Variants in RANBP17 observed in about 807,000 individuals in gnomAD.
RANBP17 encodes the protein RAN binding protein 17.
In RANBP17, 158 loss-of-function variants were observed where a neutral mutation model predicts 141.2. That is an observed-to-expected ratio of 1.12 (90% CI 0.98 to 1.28). The LOEUF is 1.28. RANBP17 is among the 50% of genes most tolerant of loss of function. The pLI is 0.00. For synonymous variants in RANBP17, 430 were observed against 450.0 expected, an observed-to-expected ratio of 0.96 and a Z score of 0.56; for missense variants, 1,438 against 1,290.7, an observed-to-expected ratio of 1.11 and a Z score of -1.75.
chr5:171,243,185 A>G lies in RANBP17; in HGVS notation c.2776+365A>G, dbSNP rs145453742. ...CTCCTTTTTTTCCTCCTTCTAATCA[A>G]TCCCTTCCCCCTACCTCTCACCCCA... On this transcript the variant is annotated intron_variant, in intron 24 of 27. Transcript: ENST00000523189. The G allele has an allele frequency of 3.6e-3, 644 of 179,162 alleles. 4 individuals are homozygous for G. The highest frequency in any genetic ancestry group is 0.014 in the African/African-American group (587 of 41,980). 11.1% of individuals were successfully genotyped at this position (179,162 alleles called of 1,614,324 possible).
Position 170,891,670 on chromosome 5 carries a change from G to A in RANBP17, c.257-717G>A, listed in dbSNP as rs576759225. On this transcript the variant is annotated intron_variant, in intron 3 of 27. Coordinates refer to ENST00000523189, the MANE Select transcript of RANBP17 (RefSeq NM_022897.5). ...GCTTACATGGCTGGAGCAGGAGAAA[G>A]AGAGAAGGGGGAGGTGCTTCACACT... is the stretch of plus-strand genomic sequence containing the variant. Among the ~76,000 whole-genome samples, 572 of 152,270 alleles carry A rather than the reference G, an allele frequency of 3.8e-3. 1 individual carries two copies. Among genetic ancestry groups the A allele is most frequent in the Middle Eastern group, 0.034 (10 of 294 alleles).
intron 14 of RANBP17, among the ~76,000 whole-genome samples, chr5:171,114,213 C>CAA (rs1306285505): frequency 6.6e-6 from 1 of 152,090 alleles, no homozygotes. Flanking sequence ...AGTGTTAGAA[C>CAA]CTTCCTCATA....
chr5:170,964,885 T>G lies in RANBP17; in HGVS notation c.1575-3357T>G, dbSNP rs1776428385. ...GTGTGCATGTGTCTTTATAACAGCA[T>G]GATTTATAGTCCTTTGGGTATATAC... On this transcript the variant is annotated intron_variant, in intron 13 of 27. Coordinates refer to ENST00000523189, the MANE Select transcript of RANBP17 (RefSeq NM_022897.5). Among the ~76,000 whole-genome samples, 3 of 152,182 alleles carry G rather than the reference T, an allele frequency of 2.0e-5. No individual in the cohort carries two copies. In the South Asian group the frequency reaches 6.2e-4, roughly 32 times the overall value.
intron 14 of RANBP17, among the ~76,000 whole-genome samples, chr5:171,153,624 TG>T (rs1758643225): frequency 6.6e-6 from 1 of 152,182 alleles, no homozygotes; most frequent in Non-Finnish European, 1.5e-5. Context: ...AGGGGGTGCT[TG>T]GGTTTCTTTT....
At chr5:170,995,248 A>G (rs545176675) in intron 14 of RANBP17, among the ~76,000 whole-genome samples, 1 of 152,212 alleles carries the variant, frequency 6.6e-6, no homozygotes, top group South Asian at 2.1e-4. Context: ...TGGCCAAGCT[A>G]CGTACCCATT....
At chr5:171,045,294 T>C (rs1219591000) in intron 14 of RANBP17, among the ~76,000 whole-genome samples, 1 of 152,102 alleles carries the variant, frequency 6.6e-6, no homozygotes, top group Non-Finnish European at 1.5e-5. Context: ...ATATGCAAGG[T>C]AGTACTTGAT....
chr5:171,054,184 G>C (rs1247894606), intron 14 of RANBP17, among the ~76,000 whole-genome samples: 1 of 151,828 alleles, frequency 6.6e-6, no homozygotes, highest in Non-Finnish European at 1.5e-5. Context: ...GACTGGTGTG[G>C]TTTGGTTTTG....
At chr5:171,204,268 C>T (rs993245806) in intron 19 of RANBP17, among the ~76,000 whole-genome samples, 36 of 152,254 alleles carry the variant, frequency 2.4e-4, no homozygotes, top group African/African-American at 8.4e-4. Context: ...CTATAAATAA[C>T]ATCCAGTTAT....
intron 14 of RANBP17, among the ~76,000 whole-genome samples, chr5:170,969,202 G>A (rs1176793554): frequency 1.3e-5 from 2 of 151,564 alleles, no homozygotes; most frequent in Admixed American, 6.6e-5. Flanking sequence ...TTGATTTTAA[G>A]ATTATCCTTT....
chr5:171,109,170 C>G (rs985422622), intron 14 of RANBP17, among the ~76,000 whole-genome samples: 2 of 152,090 alleles, frequency 1.3e-5, no homozygotes, highest in African/African-American at 4.8e-5. Context: ...ATATGTAGAC[C>G]TTAATCCACT....
At chr5:171,230,224 C>T (rs1764127684) in intron 22 of RANBP17, among the ~76,000 whole-genome samples, 1 of 151,998 alleles carries the variant, frequency 6.6e-6, no homozygotes, top group Non-Finnish European at 1.5e-5. Flanking sequence ...AGATTTCTAG[C>T]TGAAACTGGG....
chr5:171,077,286 G>A (rs1261304353), intron 14 of RANBP17, among the ~76,000 whole-genome samples: 4 of 151,896 alleles, frequency 2.6e-5, no homozygotes, highest in East Asian at 1.9e-4. Context: ...CTTGAAGTGA[G>A]CCGAGATCAC....
intron 14 of RANBP17, among the ~76,000 whole-genome samples, 168 bp from the exon 15 acceptor site, chr5:171,169,962 T>G (rs1759983084): frequency 6.6e-6 from 1 of 152,130 alleles, no homozygotes; most frequent in Non-Finnish European, 1.5e-5. Flanking sequence ...AGTTAGCAAA[T>G]TTTAAAATTA....
intron 14 of RANBP17, among the ~76,000 whole-genome samples, chr5:171,037,598 T>C (rs911697685): frequency 1.3e-5 from 2 of 152,080 alleles, no homozygotes; most frequent in South Asian, 4.1e-4. Flanking sequence ...TGTTAATCGG[T>C]CGAGTTAATT....
chr5:171,191,805 A>G (rs1234203938), intron 18 of RANBP17, among the ~76,000 whole-genome samples: 4 of 152,136 alleles, frequency 2.6e-5, no homozygotes, highest in African/African-American at 9.7e-5. Flanking sequence ...CTAAACTATT[A>G]CTTCATCTTT....
At chr5:171,198,323 G>T (rs1436756724) in intron 18 of RANBP17, among the ~76,000 whole-genome samples, 1 of 152,178 alleles carries the variant, frequency 6.6e-6, no homozygotes, top group Non-Finnish European at 1.5e-5. Context: ...CACCAGTAAA[G>T]ATTTGTTGGC....
At chr5:171,059,351 G>A (rs1303473215) in intron 14 of RANBP17, among the ~76,000 whole-genome samples, 2 of 152,178 alleles carry the variant, frequency 1.3e-5, no homozygotes, top group East Asian at 3.8e-4. Flanking sequence ...TAAGGTATAA[G>A]GAAGGGATCC....
chr5:171,078,362 G>T (rs893755772), intron 14 of RANBP17, among the ~76,000 whole-genome samples: 3 of 152,008 alleles, frequency 2.0e-5, no homozygotes, highest in Admixed American at 1.3e-4. Flanking sequence ...CACCATGTTG[G>T]CAAGGCTGGT....
intron 14 of RANBP17, among the ~76,000 whole-genome samples, chr5:171,056,498 T>C (rs1009783940): frequency 2.0e-5 from 3 of 152,204 alleles, no homozygotes; most frequent in Non-Finnish European, 4.4e-5. Context: ...CACTAAATCA[T>C]ATCAGAATTA....
Sources: gnomAD v4.1 joint callset for allele counts (sites outside exome capture counted in the v4.1 genomes callset) on GRCh38, gnomAD v4.1.1 for gene constraint, MANE v1.5 for transcripts, NCBI Gene and HGNC (gene_info 2026-07-23, HGNC 2026-07-21) for gene names.